ANP32A: variants seen among roughly 807,000 people sequenced by gnomAD.
ANP32A encodes the protein acidic nuclear phosphoprotein 32 family member A.
ANP32A carries 1 observed loss-of-function variant against 33.9 expected under a neutral mutation model. The ratio of observed to expected loss-of-function variants is 0.03; its 90% confidence interval spans 0.01 to 0.14. The LOEUF (loss-of-function observed/expected upper bound fraction) is 0.14, where lower values mean the gene tolerates loss of function less well. Ranked by LOEUF, ANP32A falls within the 10% of genes least tolerant of loss-of-function variation. The probability of loss-of-function intolerance (pLI) is 1.00; values close to 1 mark genes in which losing one functional copy is unlikely to be tolerated. For synonymous variants in ANP32A, 115 were observed against 120.5 expected, an observed-to-expected ratio of 0.95 and a Z score of 0.30; for missense variants, 155 against 306.0, an observed-to-expected ratio of 0.51 and a Z score of 3.68.
intron 1 of ANP32A, among the ~76,000 whole-genome samples, chr15:68,794,881 A>G (rs984271768): frequency 1.3e-5 from 2 of 152,246 alleles, no homozygotes; most frequent in Non-Finnish European, 2.9e-5. Context: ...TTGTGTGTGT[A>G]TAGGCATACA....
At chr15:68,791,903 A>G (rs1022347236) in intron 1 of ANP32A, 1 of 152,728 alleles carries the variant, frequency 6.5e-6, no homozygotes, top group Admixed American at 6.5e-5. Context: ...TGCACCAAAC[A>G]GGACAAAACA....
At chr15:68,785,123 A>C (rs937630744) in intron 3 of ANP32A, among the ~76,000 whole-genome samples, 11 of 152,238 alleles carry the variant, frequency 7.2e-5, no homozygotes, top group Non-Finnish European at 1.6e-4. Flanking sequence ...TTAATTTCAC[A>C]TATGTGGAAA....
intron 5 of ANP32A, among the ~76,000 whole-genome samples, chr15:68,781,852 C>T (rs1339302525): frequency 6.6e-6 from 1 of 152,232 alleles, no homozygotes; most frequent in Admixed American, 6.5e-5. Context: ...GATCCGCCCG[C>T]CTCGGCCTCC....
At chr15:68,809,415 A>G (rs1894283185) in intron 1 of ANP32A, among the ~76,000 whole-genome samples, 1 of 152,268 alleles carries the variant, frequency 6.6e-6, no homozygotes. Context: ...TGGACTGCCC[A>G]AGCCAATCCA....
intron 1 of ANP32A, among the ~76,000 whole-genome samples, chr15:68,798,604 A>C (rs55832300): frequency 1.3e-5 from 2 of 152,244 alleles, no homozygotes; most frequent in South Asian, 2.1e-4. Context: ...CAAGACTCCA[A>C]ACTTAGGGCC....
intron 4 of ANP32A, among the ~76,000 whole-genome samples, chr15:68,783,359 G>A (rs1046008939): frequency 6.6e-6 from 1 of 151,796 alleles, no homozygotes; most frequent in African/African-American, 2.4e-5. Context: ...TCCAGGGCCC[G>A]GGAAAGCGGC....
intron 3 of ANP32A, among the ~76,000 whole-genome samples, chr15:68,787,019 A>G (rs1232799597): frequency 6.6e-6 from 1 of 152,170 alleles, no homozygotes; most frequent in Non-Finnish European, 1.5e-5. Flanking sequence ...ACTGGAGTCC[A>G]CCTCCAGGGC....
rs1430895375 is a variant in ANP32A, at chr15:68,778,885, A to G, written c.*1196T>C. On this transcript the variant is annotated 3_prime_UTR_variant, in exon 7 of 7. Coordinates refer to ENST00000465139, the MANE Select transcript of ANP32A (RefSeq NM_006305.4). ...AAAAGATCAATGGCCTGTTGGACTC[A>G]AAGAAGCCATCCCCAAAAAAATTGT... is the stretch of plus-strand genomic sequence containing the variant. 6.6e-6 allele frequency: 1 copy of G among 152,208 alleles called. No individual in the cohort carries two copies. Among genetic ancestry groups the G allele is most frequent in the East Asian group, 1.9e-4 (1 of 5,200 alleles). 9.4% of individuals were successfully genotyped at this position (152,208 alleles called of 1,614,324 possible). A position where few individuals can be genotyped will look rare whatever the true frequency, so the allele number is the denominator to read the frequency against.
intron 1 of ANP32A, among the ~76,000 whole-genome samples, chr15:68,807,599 G>C (rs1299009839): frequency 1.3e-5 from 2 of 151,988 alleles, no homozygotes; most frequent in Non-Finnish European, 1.5e-5. Flanking sequence ...CCCCACCGCT[G>C]ACCAAACAGC....
intron 1 of ANP32A, chr15:68,790,863 G>C (rs1409720759): frequency 6.6e-6 from 1 of 152,114 alleles, no homozygotes; most frequent in Non-Finnish European, 1.5e-5. Context: ...CAAATGTAAG[G>C]GGCTTTGGCG....
chr15:68,787,887 C>A lies in ANP32A; in HGVS notation c.87G>T (p.Ser29=). The change falls in exon 2 of 7, where the codon TCG becomes TCT. Residue 29 remains serine (S), a synonymous_variant. Transcript: ENST00000465139. ...VKELVLDNSR[S]NEGKLEGLTD... is the part of the protein sequence containing the mutation. ...TGAGGCCTTCGAGTTTGCCTTCATT[C>A]GACCGACTGTTGTCCAGGACAAGTT... The A allele has an allele frequency of 6.2e-7, 1 of 1,614,128 alleles. No homozygotes were observed. The highest frequency in any genetic ancestry group is 8.5e-7 in the Non-Finnish European group (1 of 1,180,020).
At chr15:68,811,784 G>GA (rs1894315610) in intron 1 of ANP32A, among the ~76,000 whole-genome samples, 1 of 152,214 alleles carries the variant, frequency 6.6e-6, no homozygotes, top group African/African-American at 2.4e-5. Flanking sequence ...GCCCAGGCTG[G>GA]AATGCAGTGG....
At chr15:68,813,448 G>C (rs942565399) in intron 1 of ANP32A, among the ~76,000 whole-genome samples, 1 of 152,214 alleles carries the variant, frequency 6.6e-6, no homozygotes, top group African/African-American at 2.4e-5. Flanking sequence ...GTCCCTGCCA[G>C]ACTCCATCTC....
At chr15:68,816,709 C>T (rs1242582201) in intron 1 of ANP32A, among the ~76,000 whole-genome samples, 1 of 152,176 alleles carries the variant, frequency 6.6e-6, no homozygotes, top group African/African-American at 2.4e-5. Context: ...GTAGGTTAAG[C>T]TCACCAGCCC....
At chr15:68,781,514 C>G (rs1456983100) in intron 5 of ANP32A, 3 of 150,332 alleles carry the variant, frequency 2.0e-5, no homozygotes, top group African/African-American at 7.3e-5. Context: ...TTTTAAAATA[C>G]AATATTCTTT....
chr15:68,795,778 C>G (rs1365977128), intron 1 of ANP32A, among the ~76,000 whole-genome samples: 1 of 152,188 alleles, frequency 6.6e-6, no homozygotes, highest in South Asian at 2.1e-4. Context: ...TCCTTTGCTT[C>G]CTCCCCCTTA....
At chr15:68,802,819 A>ATTTTTT (rs1228755138) in intron 1 of ANP32A, among the ~76,000 whole-genome samples, 2 of 151,786 alleles carry the variant, frequency 1.3e-5, no homozygotes, top group Non-Finnish European at 2.9e-5. Flanking sequence ...TGCCCGGCTA[A>ATTTTTT]TTTTTTATAT....
chr15:68,809,583 T>C (rs982736356), intron 1 of ANP32A, among the ~76,000 whole-genome samples: 5 of 152,142 alleles, frequency 3.3e-5, no homozygotes, highest in Admixed American at 3.3e-4. Flanking sequence ...GTTCAAATTG[T>C]TTACTGATAA....
intron 1 of ANP32A, among the ~76,000 whole-genome samples, chr15:68,794,775 C>A (rs905510987): frequency 3.7e-5 from 5 of 134,372 alleles, no homozygotes; most frequent in Non-Finnish European, 8.8e-5. Context: ...AAAGCTCTGA[C>A]AGAAAAGTTA....
Sources: allele counts gnomAD v4.1 joint callset (sites outside exome capture counted in the v4.1 genomes callset), GRCh38; gene constraint gnomAD v4.1.1; transcripts MANE v1.5; gene names NCBI Gene and HGNC (gene_info 2026-07-23, HGNC 2026-07-21).